RMC1: variants seen among roughly 807,000 people sequenced by gnomAD.
RMC1 encodes the protein regulator of MON1-CCZ1 complex.
A neutral mutation model predicts 95.5 loss-of-function variants in RMC1; 44 were observed. The ratio of observed to expected loss-of-function variants is 0.46; its 90% CI spans 0.36 to 0.59. The LOEUF is 0.59. Ranked by LOEUF, RMC1 falls within the 20% of genes least tolerant of loss-of-function variation. The pLI is 0.00. For missense variants in RMC1, 705 were observed against 819.6 expected (o/e 0.86, Z 1.71); for synonymous variants, 320 against 303.6 (o/e 1.05, Z -0.56).
intron 7 of RMC1, 152 bp downstream of exon 7, chr18:23,516,575 G>A (rs1044968460): frequency 1.4e-6 from 1 of 723,976 alleles, no homozygotes; most frequent in Non-Finnish European, 2.3e-6. Flanking sequence ...TATAGGTCCT[G>A]TGAACATAGA....
chr18:23,507,967 G>C lies in RMC1; in HGVS notation c.265-18G>C, dbSNP rs564041813. ...GCCTAATCCAAATTTGTGTGTGTCT[G>C]TGTGTTTTTCCTTTCAGGATTTTTG... On this transcript the variant is annotated intron_variant, in intron 3 of 19. Coordinates refer to ENST00000269221, the MANE Select transcript of RMC1 (RefSeq NM_013326.5). 3.7e-6 allele frequency: 6 copies of C among 1,609,112 alleles called. No individual in the cohort carries two copies. In the African/African-American group the frequency reaches 6.7e-5, roughly 18 times the overall value.
chr18:23,530,289 A>G lies in RMC1; in HGVS notation c.1660A>G (p.Met554Val). 2.5e-6 allele frequency: 4 copies of G among 1,614,226 alleles called. No homozygotes were observed. The highest frequency in any genetic ancestry group is 2.5e-6 in the Non-Finnish European group (3 of 1,180,028). ...TCCTGCTCATCAGCTATCTCTGGAC[A>G]TGCTGAAGGTAACTCTGATGTGTGA... ...YPPAHQLSLD[M>V]LKRLSTANDE... Residue 554 changes from methionine to valine, a missense_variant, in exon 18 of 20, where the codon ATG (methionine) becomes GTG (valine). Met to Val is a conservative substitution (Grantham distance 21). Coordinates refer to ENST00000269221, the MANE Select transcript of RMC1 (RefSeq NM_013326.5).
chr18:23,518,820 G>C, intron 7 of RMC1, 70 bp from the exon 8 acceptor site: 1 of 1,377,742 alleles, frequency 7.3e-7, no homozygotes, highest in African/African-American at 1.4e-5. Context: ...TTACTTAACC[G>C]TGATGCCATT....
rs1291731740 is a variant in RMC1, at chr18:23,507,014, A to G, written c.224A>G (p.Glu75Gly). 20 of 1,610,232 alleles carry G rather than the reference A, an allele frequency of 1.2e-5. No individual in the cohort carries two copies. Among genetic ancestry groups the G allele is most frequent in the Non-Finnish European group, 1.7e-5 (20 of 1,178,074 alleles). Residue 75 changes from glutamate (E) to glycine (G), a missense_variant, in exon 3 of 20, where the codon GAA (glutamate) becomes GGA (glycine). Physicochemically the swap from Glu to Gly is moderately conservative, Grantham distance 98 (BLOSUM62 -2). Coordinates refer to ENST00000269221, the MANE Select transcript of RMC1 (RefSeq NM_013326.5). ...GEVKCIKFSLENKILAVQRTS... is the reference protein window; with the variant it reads ...GEVKCIKFSLGNKILAVQRTS... ...GTGAAGTGCATTAAGTTTTCCTTAG[A>G]AAATAAGATATTGGCTGTTCAGAGG...
rs1310152930 is a variant in RMC1 at position 23,518,906 on chromosome 18, G to A, written c.670G>A (p.Val224Ile). ...AMATIYGQLY[V>I]LFLRHHSRTS... ...CCTAATTAGATACGGGCAGCTGTAT[G>A]TTCTCTTCTTGAGGCATCATTCTCG... Residue 224 changes from valine (V) to isoleucine (I), a missense_variant, in exon 8 of 20, where the codon GTT (valine) becomes ATT (isoleucine). Coordinates refer to ENST00000269221, the MANE Select transcript of RMC1 (RefSeq NM_013326.5). 5 of 1,614,102 alleles carry A rather than the reference G, an allele frequency of 3.1e-6. No individual in the cohort carries two copies. The South Asian group carries it at 3.3e-5, about 11-fold the overall frequency.
Position 23,530,598 on chromosome 18 carries a change from C to G in RMC1, c.1880C>G (p.Pro627Arg). The G allele has an allele frequency of 6.2e-7, 1 of 1,613,654 alleles. No individual in the cohort carries two copies. Among genetic ancestry groups the G allele is most frequent in the Non-Finnish European group, 8.5e-7 (1 of 1,179,676 alleles). ...EQRNQRLRGS[P>R]NFTPGEHCEE... ...CGAAACCAGCGTTTGCGAGGGAGCC[C>G]CAATTTCACACCAGGTGAGAATGCA... The change falls in exon 19 of 20, where the codon CCC becomes CGC. Residue 627 changes from proline to arginine, a missense_variant. By Grantham distance (103) the Pro-to-Arg change is moderately radical. Transcript: ENST00000269221.
At chr18:23,513,701 C>T (rs952221142) in intron 5 of RMC1, among the ~76,000 whole-genome samples, 1 of 152,178 alleles carries the variant, frequency 6.6e-6, no homozygotes, top group Non-Finnish European at 1.5e-5. Flanking sequence ...CTCACCAACA[C>T]TTGCTGTTTT....
rs2058082490 is a variant in RMC1 at position 23,519,137 on chromosome 18, T to C, written c.812T>C (p.Val271Ala). ...ACGGGAAAGTTTGCCCTGAACGTGGTGGACAACCTGGTAGTCGTGCATCAT... is the reference window on the plus strand; with the variant it reads ...ACGGGAAAGTTTGCCCTGAACGTGGCGGACAACCTGGTAGTCGTGCATCAT... ...NRTGKFALNV[V>A]DNLVVVHHQD... is the part of the protein sequence containing the mutation. Residue 271 changes from valine to alanine, a missense_variant, in exon 9 of 20, where the codon GTG (valine) becomes GCG (alanine). Transcript: ENST00000269221. 5 of 1,614,090 alleles carry C rather than the reference T, an allele frequency of 3.1e-6. No homozygotes were observed. The highest frequency in any genetic ancestry group is 1.1e-5 in the South Asian group (1 of 91,090).
chr18:23,524,096 T>C (rs1352842024), intron 10 of RMC1, 34 bp from the exon 11 acceptor site: 6 of 1,612,624 alleles, frequency 3.7e-6, no homozygotes, highest in Non-Finnish European at 5.1e-6. Context: ...ATTTTCTGAC[T>C]GCATCGTTGC....
intron 9 of RMC1, among the ~76,000 whole-genome samples, chr18:23,519,870 T>A (rs936404223): frequency 2.0e-5 from 3 of 152,112 alleles, no homozygotes; most frequent in East Asian, 1.9e-4. Context: ...GCTGCTTACC[T>A]CCTCTACCCT....
In RMC1 at chr18:23,530,581, G is replaced by A. The variant is rs772985708; in HGVS notation, c.1863G>A (p.Gln621=). ...TCCGCTTTTTTGAACAGCGAAACCA[G>A]CGTTTGCGAGGGAGCCCCAATTTCA... ...TIFRFFEQRN[Q]RLRGSPNFTP... Residue 621 remains glutamine (Q), a synonymous_variant, in exon 19 of 20, where the codon CAG becomes CAA. Transcript: ENST00000269221. 1 of 1,613,900 alleles carries A rather than the reference G, an allele frequency of 6.2e-7. No individual in the cohort carries two copies. The highest frequency in any genetic ancestry group is 1.3e-5 in the African/African-American group (1 of 74,938).
intron 5 of RMC1, among the ~76,000 whole-genome samples, chr18:23,513,973 G>A (rs779185648): frequency 1.1e-4 from 16 of 152,220 alleles, no homozygotes; most frequent in Non-Finnish European, 2.9e-5. Context: ...TCCGGAGGTT[G>A]CCTTTCCACT....
chr18:23,530,880 G>A (rs1409353837), intron 19 of RMC1, among the ~76,000 whole-genome samples: 1 of 152,142 alleles, frequency 6.6e-6, no homozygotes, highest in African/African-American at 2.4e-5. Context: ...ATCTCTTATA[G>A]CAGATCTTGG....
chr18:23,513,488 A>T (rs943368656), intron 5 of RMC1, among the ~76,000 whole-genome samples: 1 of 152,252 alleles, frequency 6.6e-6, no homozygotes, highest in East Asian at 1.9e-4. Flanking sequence ...CATTGTGAAT[A>T]GTGCTGCTGT....
intron 12 of RMC1, among the ~76,000 whole-genome samples, chr18:23,524,746 C>T (rs556417388): frequency 2.6e-5 from 4 of 152,046 alleles, no homozygotes; most frequent in African/African-American, 7.2e-5. Context: ...CCAGACTCCA[C>T]CCCAGGGTGG....
intron 10 of RMC1, among the ~76,000 whole-genome samples, chr18:23,523,429 G>A (rs1225614508): frequency 2.6e-5 from 4 of 151,384 alleles, no homozygotes; most frequent in Non-Finnish European, 5.9e-5. Context: ...ATAATTAAGT[G>A]GCTGGGCACA....
intron 2 of RMC1, among the ~76,000 whole-genome samples, chr18:23,505,724 G>A (rs1423561599): frequency 6.6e-6 from 1 of 152,172 alleles, no homozygotes; most frequent in African/African-American, 2.4e-5. Context: ...GAGTGGCATT[G>A]CATAGGCAAT....
chr18:23,509,028 A>G (rs1041968038), intron 4 of RMC1, among the ~76,000 whole-genome samples, 165 bp from the exon 5 acceptor site: 1 of 152,176 alleles, frequency 6.6e-6, no homozygotes, highest in African/African-American at 2.4e-5. Context: ...ATGGGCAAAA[A>G]TCAGGGAACA....
chr18:23,509,468 C>T, intron 5 of RMC1, 189 bp downstream of exon 5: 2 of 277,344 alleles, frequency 7.2e-6, no homozygotes, highest in Admixed American at 1.0e-4. Context: ...CTCCTGGGCT[C>T]AAGCAATCCT....
Sources: allele counts gnomAD v4.1 joint callset (sites outside exome capture counted in the v4.1 genomes callset), GRCh38; gene constraint gnomAD v4.1.1; transcripts MANE v1.5; gene names NCBI Gene and HGNC (gene_info 2026-07-23, HGNC 2026-07-21).